EXOC6B: variants seen among roughly 807,000 people sequenced by gnomAD.
EXOC6B encodes exocyst complex component 6B, also known as SEC15 homolog B.
A neutral mutation model predicts 113.5 loss-of-function variants in EXOC6B; 54 were observed. The ratio of observed to expected loss-of-function variants is 0.48; its 90% confidence interval spans 0.38 to 0.60. The LOEUF (loss-of-function observed/expected upper bound fraction) is 0.60, where lower values mean the gene tolerates loss of function less well. Among genes scored for constraint, EXOC6B ranks in the 20% least tolerant of loss-of-function variants. The pLI, the probability that EXOC6B is intolerant of heterozygous loss-of-function variation, is 0.00. For synonymous variants in EXOC6B, 357 were observed against 339.0 expected, an observed-to-expected ratio of 1.05 and a Z score of -0.58; for missense variants, 797 against 977.5, an observed-to-expected ratio of 0.82 and a Z score of 2.46.
intron 8 of EXOC6B, among the ~76,000 whole-genome samples, chr2:72,523,640 G>A (rs1444457438): frequency 6.6e-6 from 1 of 152,028 alleles, no homozygotes; most frequent in Non-Finnish European, 1.5e-5. Context: ...AATCAGCCGG[G>A]CGTGGTGGCA....
intron 1 of EXOC6B, among the ~76,000 whole-genome samples, chr2:72,820,474 A>G (rs1284765364): frequency 1.3e-5 from 2 of 152,158 alleles, no homozygotes; most frequent in Admixed American, 6.5e-5. Context: ...ATCAGTCCCT[A>G]AAGTTATTTA....
intron 6 of EXOC6B, among the ~76,000 whole-genome samples, chr2:72,674,846 AATAG>A (rs1409027866): frequency 2.6e-5 from 4 of 152,200 alleles, no homozygotes; most frequent in Non-Finnish European, 4.4e-5. Flanking sequence ...AATAATGATA[AATAG>A]ATAAACAGAT....
At chr2:72,446,506 C>G (rs1005809014) in intron 18 of EXOC6B, among the ~76,000 whole-genome samples, 2 of 152,078 alleles carry the variant, frequency 1.3e-5, no homozygotes, top group Non-Finnish European at 1.5e-5. Flanking sequence ...TTATCCTTAC[C>G]AAACTAAAGC....
chr2:72,332,325 T>C (rs1688458876), intron 20 of EXOC6B, among the ~76,000 whole-genome samples: 2 of 152,078 alleles, frequency 1.3e-5, no homozygotes, highest in South Asian at 2.1e-4. Flanking sequence ...CTTAATAATA[T>C]GTCTGAAAGA....
At chr2:72,470,750 G>A (rs1436452343) in intron 17 of EXOC6B, among the ~76,000 whole-genome samples, 2 of 151,664 alleles carry the variant, frequency 1.3e-5, no homozygotes, top group African/African-American at 2.4e-5. Flanking sequence ...AGTTTGCTGA[G>A]AATGATGGTT....
chr2:72,184,341 T>C (rs1437228558), intron 20 of EXOC6B, among the ~76,000 whole-genome samples, 154 bp from the exon 21 acceptor site: 1 of 152,168 alleles, frequency 6.6e-6, no homozygotes, highest in East Asian at 1.9e-4. Flanking sequence ...GACTATTCTT[T>C]CAACCAAGAA....
chr2:72,381,664 T>G (rs924890232), intron 18 of EXOC6B, among the ~76,000 whole-genome samples: 2 of 152,194 alleles, frequency 1.3e-5, no homozygotes, highest in African/African-American at 2.4e-5. Flanking sequence ...CTGTGATCCA[T>G]AATGCATATG....
chr2:72,481,428 G>T (rs1354150173), intron 16 of EXOC6B, among the ~76,000 whole-genome samples: 1 of 152,214 alleles, frequency 6.6e-6, no homozygotes, highest in East Asian at 1.9e-4. Context: ...GGTTTAGCAT[G>T]ATGCCTTCCA....
chr2:72,756,693 C>T (rs1271142162), intron 1 of EXOC6B, among the ~76,000 whole-genome samples: 8 of 152,130 alleles, frequency 5.3e-5, no homozygotes, highest in Non-Finnish European at 1.0e-4. Flanking sequence ...CAAATATAAT[C>T]CTAGCAGAAT....
intron 20 of EXOC6B, among the ~76,000 whole-genome samples, chr2:72,306,125 T>C (rs930155980): frequency 2.0e-5 from 3 of 152,160 alleles, no homozygotes; most frequent in Non-Finnish European, 4.4e-5. Context: ...TCTCTCAACA[T>C]ACATTCACAT....
chr2:72,631,250 A>G (rs1222441266), intron 6 of EXOC6B, among the ~76,000 whole-genome samples: 1 of 151,640 alleles, frequency 6.6e-6, no homozygotes, highest in Non-Finnish European at 1.5e-5. Flanking sequence ...ATATGTGTAT[A>G]TATACATCAC....
rs1027887229 is a variant in EXOC6B at position 72,243,394 on chromosome 2, C to G, written c.2197-59207G>C. 8.5e-5 allele frequency among the ~76,000 whole-genome samples: 13 copies of G among 152,250 alleles called. 1 individual carries two copies. In the East Asian group the frequency reaches 1.7e-3, roughly 20 times the overall value. On this transcript the variant is annotated intron_variant, in intron 20 of 21. Transcript: ENST00000272427. ...TTAAGAAAATGTGGCACATATACAC[C>G]ATGGAATACTATGCAGCCATAAAAA...
intron 6 of EXOC6B, among the ~76,000 whole-genome samples, chr2:72,672,051 G>A (rs780297490): frequency 1.8e-4 from 27 of 152,054 alleles, no homozygotes; most frequent in Non-Finnish European, 3.1e-4. Flanking sequence ...GCAGGGTGCT[G>A]GCAAGGATAT....
intron 18 of EXOC6B, among the ~76,000 whole-genome samples, chr2:72,402,917 T>C (rs1292549794): frequency 6.6e-6 from 1 of 152,192 alleles, no homozygotes; most frequent in African/African-American, 2.4e-5. Context: ...AGCTGAAGTT[T>C]TGAGGGAGAT....
intron 17 of EXOC6B, among the ~76,000 whole-genome samples, chr2:72,466,415 A>T (rs548809309): frequency 2.0e-5 from 3 of 151,772 alleles, no homozygotes; most frequent in African/African-American, 7.2e-5. Flanking sequence ...CATATTTACC[A>T]CTCTTTACCT....
At chr2:72,234,233 G>A (rs376370735) in intron 20 of EXOC6B, among the ~76,000 whole-genome samples, 3 of 151,924 alleles carry the variant, frequency 2.0e-5, no homozygotes, top group Non-Finnish European at 2.9e-5. Context: ...TTACAGGCAC[G>A]TGCCACCACA....
intron 19 of EXOC6B, among the ~76,000 whole-genome samples, chr2:72,342,698 C>A (rs1572941259): frequency 6.6e-6 from 1 of 152,146 alleles, no homozygotes; most frequent in East Asian, 1.9e-4. Context: ...ACTCAGAATG[C>A]TGAGGTGGGA....
chr2:72,550,302 G>A (rs1703137194), intron 8 of EXOC6B, among the ~76,000 whole-genome samples: 1 of 152,088 alleles, frequency 6.6e-6, no homozygotes, highest in Non-Finnish European at 1.5e-5. Context: ...CAAAGAAAGA[G>A]AGGTAACAAA....
Position 72,488,077 on chromosome 2 carries a change from C to A in EXOC6B, c.1665+4241G>T, listed in dbSNP as rs149269627. 7.2e-3 allele frequency among the ~76,000 whole-genome samples: 1,098 copies of A among 152,256 alleles called. 74 individuals are homozygous for A. The highest frequency in any genetic ancestry group is 0.063 in the Admixed American group (967 of 15,294). ...TTTCCTTCCACCATTTTATTAAAAG[C>A]GCTCTTACCAAGGTCACCAACTTAT... On this transcript the variant is annotated intron_variant, in intron 16 of 21. Transcript: ENST00000272427.
Sources: gnomAD v4.1 joint callset for allele counts (sites outside exome capture counted in the v4.1 genomes callset) on GRCh38, gnomAD v4.1.1 for gene constraint, MANE v1.5 for transcripts, NCBI Gene and HGNC (gene_info 2026-07-23, HGNC 2026-07-21) for gene names.